NDUFA10: variants seen among roughly 807,000 people sequenced by gnomAD.
NDUFA10 encodes NADH:ubiquinone oxidoreductase subunit A10, also known as NADH dehydrogenase [ubiquinone] 1 alpha subcomplex subunit 10, mitochondrial.
A neutral mutation model predicts 47.8 loss-of-function variants in NDUFA10; 40 were observed. The observed-to-expected ratio is 0.84, with a 90% CI of 0.65 to 1.09. The LOEUF is 1.09. Ranked by LOEUF, NDUFA10 falls within the 50% of genes least tolerant of loss-of-function variation. The pLI is 0.00. For missense variants in NDUFA10, 413 were observed against 451.1 expected (o/e 0.92, Z 0.76); for synonymous variants, 183 against 172.2 (o/e 1.06, Z -0.49).
rs541016943 is a variant in NDUFA10 at position 239,960,061 on chromosome 2, A to C, written c.*1057T>G. On this transcript the variant is annotated 3_prime_UTR_variant, in exon 10 of 10. Coordinates refer to ENST00000252711, the MANE Select transcript of NDUFA10 (RefSeq NM_004544.4). ...CCAATTTTAAACTCTATTACATTTTAGCTCATTTAAATTTCAATACCCACA... is the reference window on the plus strand; with the variant it reads ...CCAATTTTAAACTCTATTACATTTTCGCTCATTTAAATTTCAATACCCACA... The C allele has an allele frequency of 1.8e-4, 180 of 985,040 alleles. No individual in the cohort carries two copies. Among genetic ancestry groups the C allele is most frequent in the Middle Eastern group, 5.2e-4 (1 of 1,936 alleles). 61.0% of individuals were successfully genotyped at this position (985,040 alleles called of 1,614,324 possible).
At chr2:239,969,466 C>A (rs1695223384) in intron 9 of NDUFA10, 2 of 298,512 alleles carry the variant, frequency 6.7e-6, no homozygotes, top group Non-Finnish European at 1.3e-5. Context: ...CCTGTTCATG[C>A]CACGGCCACG....
chr2:239,939,052 A>G (rs950653764), intron 4 of NDUFA10, among the ~76,000 whole-genome samples: 2 of 152,170 alleles, frequency 1.3e-5, no homozygotes, highest in Admixed American at 6.5e-5. Context: ...AGGCCCCACA[A>G]TGCTCTCCTT....
intron 9 of NDUFA10, among the ~76,000 whole-genome samples, chr2:239,985,049 C>T (rs1178525097): frequency 1.3e-5 from 2 of 152,186 alleles, no homozygotes; most frequent in East Asian, 1.9e-4. Flanking sequence ...TGCCAGAAGA[C>T]GGTAAAGCGC....
intron 8 of NDUFA10, among the ~76,000 whole-genome samples, chr2:239,995,350 C>T (rs537975630): frequency 1.6e-3 from 236 of 152,226 alleles, no homozygotes; most frequent in African/African-American, 5.5e-3. Flanking sequence ...ACTGTGCCGT[C>T]GGTACCTGCA....
chr2:240,018,487 G>A (rs776440227), intron 4 of NDUFA10, 66 bp downstream of exon 4: 2 of 1,613,766 alleles, frequency 1.2e-6, no homozygotes, highest in East Asian at 2.2e-5. Context: ...AGTGCAAGGT[G>A]AGTCTATCAC....
chr2:239,963,622 A>T (rs1187813643), intron 9 of NDUFA10, among the ~76,000 whole-genome samples: 1 of 152,210 alleles, frequency 6.6e-6, no homozygotes, highest in African/African-American at 2.4e-5. Flanking sequence ...CGGTCTGCTT[A>T]TAGAATATGT....
chr2:239,998,149 C>G lies in NDUFA10; in HGVS notation c.890+7061G>C, dbSNP rs531521451. Among the ~76,000 whole-genome samples the G allele has an allele frequency of 5.3e-5, 8 of 152,336 alleles. No homozygotes were observed. In the South Asian group the frequency reaches 1.7e-3, roughly 32 times the overall value. On this transcript the variant is annotated intron_variant, in intron 8 of 9. Coordinates refer to ENST00000252711, the MANE Select transcript of NDUFA10 (RefSeq NM_004544.4). ...AGCGCAGGTGATTTGATTCTATATTCAACCTTTGTTCCCGACTTTCTCTTC... is the reference window on the plus strand; with the variant it reads ...AGCGCAGGTGATTTGATTCTATATTGAACCTTTGTTCCCGACTTTCTCTTC...
intron 9 of NDUFA10, among the ~76,000 whole-genome samples, chr2:239,975,216 C>T (rs1354943249): frequency 6.6e-6 from 1 of 152,262 alleles, no homozygotes; most frequent in Non-Finnish European, 1.5e-5. Flanking sequence ...GATGTACCTG[C>T]TTCCCCTTTA....
downstream of NDUFA10, among the ~76,000 whole-genome samples, chr2:239,955,246 C>T (rs1452194870): frequency 1.3e-5 from 2 of 152,144 alleles, no homozygotes; most frequent in Admixed American, 1.3e-4. Flanking sequence ...GCGAGGTCTG[C>T]TATTCTCTCC....
At chr2:239,961,771 C>G (rs1437623940) in intron 9 of NDUFA10, among the ~76,000 whole-genome samples, 3 of 152,192 alleles carry the variant, frequency 2.0e-5, no homozygotes, top group Non-Finnish European at 4.4e-5. Flanking sequence ...GCAGGACTGA[C>G]CCTAGCGGGA....
At chr2:239,933,509 T>C (rs75939955) in intron 4 of NDUFA10, among the ~76,000 whole-genome samples, 1,806 of 96,826 alleles carry the variant, frequency 0.019, 36 homozygotes, top group African/African-American at 0.081. Flanking sequence ...CATGGTTTTT[T>C]TTTTGTTTTT....
intron 4 of NDUFA10, among the ~76,000 whole-genome samples, chr2:239,927,777 C>G (rs950223318): frequency 6.6e-6 from 1 of 152,130 alleles, no homozygotes; most frequent in African/African-American, 2.4e-5. Context: ...GAGGGAGATT[C>G]ACACGATGAC....
At chr2:239,933,414 G>A (rs1694210295) in intron 4 of NDUFA10, among the ~76,000 whole-genome samples, 1 of 152,190 alleles carries the variant, frequency 6.6e-6, no homozygotes, top group South Asian at 2.1e-4. Context: ...GCTGCAGCCG[G>A]GCCTGGGGAG....
chr2:239,946,696 C>A (rs952439433), intron 4 of NDUFA10, among the ~76,000 whole-genome samples: 4 of 152,204 alleles, frequency 2.6e-5, no homozygotes, highest in African/African-American at 7.2e-5. Context: ...GAGGCAGGAC[C>A]GAGGTTTTGT....
intron 8 of NDUFA10, among the ~76,000 whole-genome samples, chr2:239,992,459 A>G (rs1197092122): frequency 6.6e-6 from 1 of 152,204 alleles, no homozygotes; most frequent in Non-Finnish European, 1.5e-5. Context: ...CCTATTTTTC[A>G]GTTTCTCCTG....
At chr2:239,903,391 C>T (rs1177092241) in intron 4 of NDUFA10, among the ~76,000 whole-genome samples, 2 of 152,210 alleles carry the variant, frequency 1.3e-5, no homozygotes, top group African/African-American at 2.4e-5. Context: ...GCCACCTCAG[C>T]CCAGCCAACC....
At chr2:239,989,984 C>G in intron 9 of NDUFA10, 90 bp downstream of exon 9, 1 of 961,502 alleles carries the variant, frequency 1.0e-6, no homozygotes, top group Non-Finnish European at 1.7e-6. Context: ...ACAGCAACAA[C>G]AAAAACTCCT....
At chr2:240,022,643 G>A (rs1697675596) in intron 1 of NDUFA10, among the ~76,000 whole-genome samples, 1 of 149,998 alleles carries the variant, frequency 6.7e-6, no homozygotes, top group Non-Finnish European at 1.5e-5. Flanking sequence ...GGGAGGGAGG[G>A]AGGGGTGGAT....
chr2:239,978,591 C>T (rs1695628717), intron 9 of NDUFA10, among the ~76,000 whole-genome samples: 1 of 152,234 alleles, frequency 6.6e-6, no homozygotes, highest in Admixed American at 6.5e-5. Flanking sequence ...AGGACCTGCT[C>T]CCACTGGCCC....
Sources: allele counts gnomAD v4.1 joint callset (sites outside exome capture counted in the v4.1 genomes callset), GRCh38; gene constraint gnomAD v4.1.1; transcripts MANE v1.5; gene names NCBI Gene and HGNC (gene_info 2026-07-23, HGNC 2026-07-21).